DHTKD1: variants seen among roughly 807,000 people sequenced by gnomAD.
DHTKD1 encodes 2-oxoadipate dehydrogenase complex component E1.
In DHTKD1, 78 loss-of-function variants were observed where a neutral mutation model predicts 101.8. The observed-to-expected ratio is 0.77, with a 90% CI of 0.64 to 0.93. The LOEUF (loss-of-function observed/expected upper bound fraction) is 0.93, where lower values mean the gene tolerates loss of function less well. DHTKD1 is among the 40% of genes least tolerant of loss of function. DHTKD1 has a pLI of 0.00. For synonymous variants in DHTKD1, 462 were observed against 450.3 expected, an observed-to-expected ratio of 1.03 and a Z score of -0.33; for missense variants, 1,223 against 1,161.7, an observed-to-expected ratio of 1.05 and a Z score of -0.77.
chr10:12,075,254 A>G (rs1832707962), intron 1 of DHTKD1, among the ~76,000 whole-genome samples: 1 of 152,106 alleles, frequency 6.6e-6, no homozygotes, highest in African/African-American at 2.4e-5. Context: ...ATCTCAGCTC[A>G]CTGCAGCCTC....
chr10:12,082,297 A>C (rs1312877495), intron 2 of DHTKD1, among the ~76,000 whole-genome samples: 1 of 152,150 alleles, frequency 6.6e-6, no homozygotes, highest in South Asian at 2.1e-4. Context: ...AGGTGGGGTG[A>C]AATCCAGGGC....
At chr10:12,093,394 C>T (rs1052470155) in intron 6 of DHTKD1, among the ~76,000 whole-genome samples, 28 of 152,274 alleles carry the variant, frequency 1.8e-4, no homozygotes, top group African/African-American at 6.7e-4. Context: ...CTGTGTTGCC[C>T]AGGCTGGTCT....
chr10:12,100,132 A>G (rs1203996912), intron 8 of DHTKD1, 46 bp from the exon 9 acceptor site: 10 of 1,143,602 alleles, frequency 8.7e-6, no homozygotes, highest in Admixed American at 2.3e-5. Context: ...GAAAAAGGAA[A>G]TGGACTCTTA....
chr10:12,108,194 C>T (rs749863239), intron 12 of DHTKD1, among the ~76,000 whole-genome samples, 179 bp downstream of exon 12: 1 of 152,146 alleles, frequency 6.6e-6, no homozygotes, highest in Admixed American at 6.6e-5. Flanking sequence ...AATTGTATCA[C>T]GGTTTTATGG....
At chr10:12,113,445 G>A (rs535534876) in intron 13 of DHTKD1, among the ~76,000 whole-genome samples, 4 of 152,288 alleles carry the variant, frequency 2.6e-5, no homozygotes, top group African/African-American at 7.2e-5. Context: ...TGATTCGCCC[G>A]CCTCGGCCTC....
intron 2 of DHTKD1, 120 bp from the exon 3 acceptor site, chr10:12,084,420 G>T: frequency 1.5e-6 from 1 of 651,734 alleles, no homozygotes; most frequent in Admixed American, 2.9e-5. Flanking sequence ...ATTAAAGGGG[G>T]AAAGTGAGTT....
chr10:12,108,061 C>T, intron 12 of DHTKD1, 46 bp downstream of exon 12: 1 of 1,466,412 alleles, frequency 6.8e-7, no homozygotes, highest in Non-Finnish European at 9.6e-7. Flanking sequence ...TTCCTGCTTC[C>T]TAGAGCTTTT....
Position 12,118,733 on chromosome 10 carries a change from C to G in DHTKD1, c.2403-16C>G. ...AAATTTCTCCCCCACCCTATTGTTC[C>G]TTTTCTGTCCAACAGGGTTAAGACC... On this transcript the variant is annotated splice_polypyrimidine_tract_variant and intron_variant, in intron 14 of 16. Coordinates refer to ENST00000263035, the MANE Select transcript of DHTKD1 (RefSeq NM_018706.7). The G allele has an allele frequency of 6.7e-7, 1 of 1,487,614 alleles. No homozygotes were observed. Among genetic ancestry groups the G allele is most frequent in the Middle Eastern group, 1.8e-4 (1 of 5,536 alleles). The allele number at this position is 1,487,614 out of a possible 1,614,324, so 92.2% of individuals were successfully genotyped here.
Position 12,118,997 on chromosome 10 carries a change from G to A in DHTKD1, c.2572+79G>A, listed in dbSNP as rs1049868310. On this transcript the variant is annotated intron_variant, in intron 15 of 16. Coordinates refer to ENST00000263035, the MANE Select transcript of DHTKD1 (RefSeq NM_018706.7). Reference sequence around the variant, plus strand: ...CAGCTCTTTTAAATGAAAAGATGTGGTGGGGGTTATTAGAAAATTGAATCT... The same window carrying A: ...CAGCTCTTTTAAATGAAAAGATGTGATGGGGGTTATTAGAAAATTGAATCT... The A allele has an allele frequency of 6.6e-6, 9 of 1,355,438 alleles. No homozygotes were observed. In the African/African-American group the frequency reaches 9.0e-5, roughly 13 times the overall value. 84.0% of individuals were successfully genotyped at this position (1,355,438 alleles called of 1,614,324 possible).
intron 10 of DHTKD1, among the ~76,000 whole-genome samples, chr10:12,105,379 G>T (rs945521219): frequency 3.9e-5 from 6 of 151,908 alleles, no homozygotes; most frequent in African/African-American, 1.2e-4. Flanking sequence ...GCAGTGGTGC[G>T]ATTATAGCTC....
chr10:12,094,104 C>T lies in DHTKD1; in HGVS notation c.1191C>T (p.Val397=), dbSNP rs758294466. 1 of 1,614,088 alleles carries T rather than the reference C, an allele frequency of 6.2e-7. No individual in the cohort carries two copies. The highest frequency in any genetic ancestry group is 1.1e-5 in the South Asian group (1 of 91,072). ...TTGTGGGCTGTGCCATCATCCATGT[C>T]AATGGAGACAGCCCAGAGGAAGTGG... The part of the protein sequence containing the change: ...GKLVGCAIIH[V]NGDSPEEVVR... The change falls in exon 7 of 17, where the codon GTC becomes GTT. Residue 397 remains valine (V), a synonymous_variant. Coordinates refer to ENST00000263035, the MANE Select transcript of DHTKD1 (RefSeq NM_018706.7).
Position 12,100,172 on chromosome 10 carries a change from T to C in DHTKD1, c.1672-6T>C. Reference sequence around the variant, plus strand: ...TTCCTTTTTTTTCTTCCTCTGAATTTTACAGTCCAGAATGGAGAAGATGAT... The same window carrying C: ...TTCCTTTTTTTTCTTCCTCTGAATTCTACAGTCCAGAATGGAGAAGATGAT... On this transcript the variant is annotated splice_region_variant and splice_polypyrimidine_tract_variant and intron_variant, in intron 8 of 16. Coordinates refer to ENST00000263035, the MANE Select transcript of DHTKD1 (RefSeq NM_018706.7). 2 of 1,541,848 alleles carry C rather than the reference T, an allele frequency of 1.3e-6. No homozygotes were observed.
chr10:12,096,274 C>T (rs113098937), intron 7 of DHTKD1, among the ~76,000 whole-genome samples: 4 of 152,266 alleles, frequency 2.6e-5, no homozygotes, highest in African/African-American at 4.8e-5. Flanking sequence ...GTTTTATGAG[C>T]GTTTCTGATC....
rs1165238544 is a variant in DHTKD1, at chr10:12,083,595, G to A, written c.311-945G>A. On this transcript the variant is annotated intron_variant, in intron 2 of 16. Transcript: ENST00000263035. ...ACTAAAAATAAAAAATTAGCCAGACGTGGTGGTGTGCACGTGTAGTCCCAG... is the reference window on the plus strand; with the variant it reads ...ACTAAAAATAAAAAATTAGCCAGACATGGTGGTGTGCACGTGTAGTCCCAG... Among the ~76,000 whole-genome samples the A allele has an allele frequency of 7.9e-5, 12 of 152,166 alleles. No individual in the cohort carries two copies. The East Asian group carries it at 2.3e-3, about 30-fold the overall frequency.
At chr10:12,111,697 T>C (rs1833332552) in intron 12 of DHTKD1, among the ~76,000 whole-genome samples, 1 of 152,140 alleles carries the variant, frequency 6.6e-6, no homozygotes, top group Admixed American at 6.6e-5. Flanking sequence ...AGAATGTGTG[T>C]GTAGATGGTC....
chr10:12,112,893 C>G lies in DHTKD1; in HGVS notation c.2155-7C>G. 6.3e-7 allele frequency: 1 copy of G among 1,588,438 alleles called. No individual in the cohort carries two copies. Among genetic ancestry groups the G allele is most frequent in the Non-Finnish European group, 8.6e-7 (1 of 1,168,210 alleles). On this transcript the variant is annotated splice_region_variant and splice_polypyrimidine_tract_variant and intron_variant, in intron 12 of 16. Transcript: ENST00000263035. ...ATTCTTCTCCTTTCTTGCCACTTCT[C>G]TCCCAGATGTGTGACAGTGCGGAAG...
chr10:12,095,757 G>A (rs1228314789), intron 7 of DHTKD1, among the ~76,000 whole-genome samples: 1 of 134,692 alleles, frequency 7.4e-6, no homozygotes, highest in African/African-American at 2.7e-5. Context: ...AGCTTGCAGT[G>A]AGCCCAGATC....
rs1488729979 is a variant in DHTKD1, at chr10:12,112,936, A to G, written c.2191A>G (p.Thr731Ala). ...TGCGGAAGAGGGGGTGGACGGAGAC[A>G]CTGTGAACATGTTTGTGGTTCACCC... ...DSAEEGVDGDTVNMFVVHPTT... is the reference protein window; with the variant it reads ...DSAEEGVDGDAVNMFVVHPTT... The change falls in exon 13 of 17, where the codon ACT (threonine) becomes GCT (alanine). Residue 731 changes from threonine to alanine, a missense_variant. Thr to Ala is a moderately conservative substitution (Grantham distance 58). Transcript: ENST00000263035. The G allele has an allele frequency of 6.2e-7, 1 of 1,612,512 alleles. No homozygotes were observed. The highest frequency in any genetic ancestry group is 8.5e-7 in the Non-Finnish European group (1 of 1,179,398).
chr10:12,120,163 A>G lies in DHTKD1; in HGVS notation c.2573-19A>G. 4 of 1,605,492 alleles carry G rather than the reference A, an allele frequency of 2.5e-6. No homozygotes were observed. Among genetic ancestry groups the G allele is most frequent in the Non-Finnish European group, 2.6e-6 (3 of 1,172,868 alleles). ...GCATGTGTCTACTTGAGGTGCTGAA[A>G]GAATTTCTTCTCTCATAGATCATAT... On this transcript the variant is annotated intron_variant, in intron 15 of 16. Transcript: ENST00000263035.
Sources: gnomAD v4.1 joint callset for allele counts (sites outside exome capture counted in the v4.1 genomes callset) on GRCh38, gnomAD v4.1.1 for gene constraint, MANE v1.5 for transcripts, NCBI Gene and HGNC (gene_info 2026-07-23, HGNC 2026-07-21) for gene names.